ECI2: variants seen among roughly 807,000 people sequenced by gnomAD.
The protein encoded by ECI2 is enoyl-CoA delta isomerase 2, also known as D3,D2-enoyl-CoA isomerase.
Under a neutral mutation model 38.4 loss-of-function variants are expected in ECI2, and 27 were observed. The ratio of observed to expected loss-of-function variants is 0.70; its 90% CI spans 0.52 to 0.97. The LOEUF is 0.97. ECI2 is among the 50% of genes least tolerant of loss of function. The pLI is 0.00. For missense variants in ECI2, 470 were observed against 474.4 expected, an observed-to-expected ratio of 0.99 and a Z score of 0.09; for synonymous variants, 168 against 172.0, an observed-to-expected ratio of 0.98 and a Z score of 0.18.
At chr6:4,120,068 T>G (rs1772599228) in intron 7 of ECI2, among the ~76,000 whole-genome samples, 1 of 152,240 alleles carries the variant, frequency 6.6e-6, no homozygotes, top group East Asian at 1.9e-4. Context: ...ATTCACCAGT[T>G]AATGCCATTG....
At chr6:4,116,407 T>TG (rs1219739858) in intron 9 of ECI2, among the ~76,000 whole-genome samples, 1 of 150,756 alleles carries the variant, frequency 6.6e-6, no homozygotes, top group Non-Finnish European at 1.5e-5. Context: ...TTCTGGTTCT[T>TG]GTTTCTCCCA....
intron 5 of ECI2, among the ~76,000 whole-genome samples, chr6:4,126,917 G>C (rs557253428): frequency 6.6e-6 from 1 of 152,208 alleles, no homozygotes; most frequent in African/African-American, 2.4e-5. Flanking sequence ...TCCAAAACAA[G>C]ATACAGAACA....
intron 8 of ECI2, 153 bp from the exon 9 acceptor site, chr6:4,117,604 C>T (rs1260329491): frequency 2.1e-6 from 2 of 974,646 alleles, no homozygotes; most frequent in African/African-American, 3.4e-5. Context: ...CCTCAATAGG[C>T]AACGGTTTGC....
chr6:4,124,859 C>T, intron 7 of ECI2: 1 of 317,546 alleles, frequency 3.1e-6, no homozygotes, highest in South Asian at 2.6e-5. Flanking sequence ...GGTCCTTCTC[C>T]TTCTAAAATT....
intron 7 of ECI2, chr6:4,125,038 T>C (rs972298016): frequency 5.3e-6 from 4 of 760,554 alleles, no homozygotes; most frequent in East Asian, 6.0e-5. Context: ...ACAGTCAGAG[T>C]TGGAACAATG....
At chr6:4,135,233 G>A (rs987952677) in intron 1 of ECI2, 2 of 944,078 alleles carry the variant, frequency 2.1e-6, no homozygotes, top group Non-Finnish European at 3.2e-6. Context: ...GGATGGGAGC[G>A]TGCGCGGAGG....
intron 2 of ECI2, among the ~76,000 whole-genome samples, chr6:4,132,053 G>A (rs992146842): frequency 3.3e-5 from 5 of 152,220 alleles, no homozygotes; most frequent in African/African-American, 9.6e-5. Context: ...TGCAAGGCTG[G>A]AGGGCACCCA....
At chr6:4,126,500 G>T (rs1359208853) in intron 5 of ECI2, among the ~76,000 whole-genome samples, 1 of 152,222 alleles carries the variant, frequency 6.6e-6, no homozygotes, top group Non-Finnish European at 1.5e-5. Context: ...TCTAATCAGG[G>T]AGTTCAGGAA....
rs1397124037 is a variant in ECI2, at chr6:4,126,304, G to A, written c.572-67C>T. 5.9e-6 allele frequency: 8 copies of A among 1,353,864 alleles called. No homozygotes were observed. The East Asian group carries it at 1.8e-4, about 31-fold the overall frequency. 83.9% of individuals were successfully genotyped at this position (1,353,864 alleles called of 1,614,324 possible). On this transcript the variant is annotated intron_variant, in intron 5 of 9. Transcript: ENST00000380118. ...TATAATTCTTGAGTATCTACTGCAT[G>A]CCAAACTCTATGGTTAGGCAAGGGA...
intron 1 of ECI2, chr6:4,135,032 C>T (rs1773661935): frequency 2.3e-6 from 1 of 431,698 alleles, no homozygotes; most frequent in Non-Finnish European, 4.7e-6. Context: ...TTACTCTGTA[C>T]CCGGCCATTT....
Position 4,119,259 on chromosome 6 carries a change from GGT to G in ECI2, c.810_811del (p.Pro271IlefsTer2). ...CGGACTTTGGCCTAGGTGACTAAATGGTGTATGAAATGTTGCCTGCAGAGGCA... is the reference window on the plus strand; with the variant it reads ...CGGACTTTGGCCTAGGTGACTAAATGGTATGAAATGTTGCCTGCAGAGGCA... On this transcript the variant is annotated frameshift_variant, in exon 8 of 10. Coordinates refer to ENST00000380118, the MANE Select transcript of ECI2 (RefSeq NM_206836.3). LOFTEE classifies it high-confidence loss of function. The G allele has an allele frequency of 6.2e-7, 1 of 1,612,848 alleles. No homozygotes were observed. Among genetic ancestry groups the G allele is most frequent in the Non-Finnish European group, 8.5e-7 (1 of 1,179,444 alleles).
At chr6:4,126,302 A>G in intron 5 of ECI2, 65 bp from the exon 6 acceptor site, 3 of 1,366,186 alleles carry the variant, frequency 2.2e-6, no homozygotes, top group Middle Eastern at 1.8e-4. Context: ...TATCTACTGC[A>G]TGCCAAACTC....
intron 1 of ECI2, chr6:4,135,140 C>T: frequency 1.9e-6 from 1 of 534,128 alleles, no homozygotes; most frequent in Non-Finnish European, 3.6e-6. Context: ...CGACGCTTTG[C>T]ACCCCAGAAG....
chr6:4,133,790 A>C (rs1773604908), intron 1 of ECI2, 79 bp from the exon 2 acceptor site: 4 of 1,455,946 alleles, frequency 2.7e-6, no homozygotes, highest in African/African-American at 1.4e-5. Context: ...TTCCCAGCCT[A>C]TACATAACAA....
chr6:4,127,471 G>A (rs1436686706), intron 5 of ECI2, among the ~76,000 whole-genome samples: 3 of 133,032 alleles, frequency 2.3e-5, no homozygotes, highest in Non-Finnish European at 4.6e-5. Context: ...CTGGAGTGCA[G>A]TGGCGCGACC....
intron 5 of ECI2, among the ~76,000 whole-genome samples, chr6:4,126,486 T>C (rs1773167146): frequency 6.6e-6 from 1 of 151,764 alleles, no homozygotes. Flanking sequence ...ACCAGGAGGG[T>C]TGGTCTAATC....
chr6:4,125,072 A>C, intron 7 of ECI2, 178 bp downstream of exon 7: 1 of 1,051,564 alleles, frequency 9.5e-7, no homozygotes, highest in Admixed American at 2.3e-5. Flanking sequence ...GCAAGTTAAT[A>C]ATGAAGGAAA....
At chr6:4,131,702 C>T (rs565990686) in intron 2 of ECI2, among the ~76,000 whole-genome samples, 2 of 151,808 alleles carry the variant, frequency 1.3e-5, no homozygotes, top group East Asian at 1.9e-4. Context: ...ACTAAAAATA[C>T]AAAAATTAGC....
At position 4,119,113 on chromosome 6, in the gene ECI2, GTA is replaced by G. The variant is rs1397151047; in HGVS notation, c.885+71_885+72del. On this transcript the variant is annotated intron_variant, in intron 8 of 9. Coordinates refer to ENST00000380118, the MANE Select transcript of ECI2 (RefSeq NM_206836.3). ...ATATTACCAAGGGAAAGAAGGGAGA[GTA>G]TATGAGATTACTCTTCCTTCTTTCT... The G allele has an allele frequency of 2.4e-6, 3 of 1,228,400 alleles. No homozygotes were observed. In the African/African-American group the frequency reaches 4.6e-5, roughly 19 times the overall value. 76.1% of individuals were successfully genotyped at this position (1,228,400 alleles called of 1,614,324 possible). A position where few individuals can be genotyped will look rare whatever the true frequency, so the allele number is the denominator to read the frequency against.
Sources: allele counts gnomAD v4.1 joint callset (sites outside exome capture counted in the v4.1 genomes callset), GRCh38; gene constraint gnomAD v4.1.1; transcripts MANE v1.5; gene names NCBI Gene and HGNC (gene_info 2026-07-23, HGNC 2026-07-21).